ATP8B1: variants seen among roughly 807,000 people sequenced by gnomAD.
ATP8B1 encodes the protein phospholipid-transporting ATPase IC.
ATP8B1 carries 80 observed loss-of-function variants against 149.9 expected under a neutral mutation model. The ratio of observed to expected loss-of-function variants is 0.53; its 90% CI spans 0.45 to 0.64. The LOEUF is 0.64. Among genes scored for constraint, ATP8B1 ranks in the 30% least tolerant of loss-of-function variants. The pLI is 0.00. For missense variants in ATP8B1, 1,247 were observed against 1,552.6 expected (o/e 0.80, Z 3.31); for synonymous variants, 536 against 562.8 (o/e 0.95, Z 0.67).
intron 1 of ATP8B1, among the ~76,000 whole-genome samples, chr18:57,772,610 A>C (rs1301063744): frequency 6.6e-6 from 1 of 152,068 alleles, no homozygotes; most frequent in Non-Finnish European, 1.5e-5. Context: ...GAGTTCTCCC[A>C]TGCATTGAGT....
chr18:57,662,573 A>G lies in ATP8B1; in HGVS notation c.2328T>C (p.Gly776=), dbSNP rs376317098. ...GAGGTGCAAACTTTGCGTAGACGCCACCTCTATTCCTCTGGTTTTCCATCC... is the reference window on the plus strand; with the variant it reads ...GAGGTGCAAACTTTGCGTAGACGCCGCCTCTATTCCTCTGGTTTTCCATCC... ...HARMENQRNR[G]GVYAKFAPPV... Residue 776 remains glycine, a synonymous_variant, in exon 21 of 28, where the codon GGT becomes GGC. Coordinates refer to ENST00000648908, the MANE Select transcript of ATP8B1 (RefSeq NM_001374385.1). The G allele has an allele frequency of 6.2e-7, 1 of 1,614,154 alleles. No individual in the cohort carries two copies. The highest frequency in any genetic ancestry group is 1.3e-5 in the African/African-American group (1 of 75,044).
intron 1 of ATP8B1, among the ~76,000 whole-genome samples, chr18:57,797,401 T>C (rs2080524865): frequency 6.6e-6 from 1 of 152,200 alleles, no homozygotes; most frequent in South Asian, 2.1e-4. Context: ...TCAATCACGC[T>C]GTGGGGGATG....
chr18:57,792,524 C>T (rs2080473570), intron 1 of ATP8B1, among the ~76,000 whole-genome samples: 1 of 152,040 alleles, frequency 6.6e-6, no homozygotes, highest in Non-Finnish European at 1.5e-5. Context: ...ATTCCATTTA[C>T]ATAAAATGCC....
rs1328169709 is a variant in ATP8B1, at chr18:57,658,660, TGTGTGTG to T, written c.2707+2507_2707+2513del. Among the ~76,000 whole-genome samples the T allele has an allele frequency of 6.0e-5, 9 of 149,474 alleles. No individual in the cohort carries two copies. In the East Asian group the frequency reaches 6.5e-4, roughly 11 times the overall value. The stretch of plus-strand genomic sequence containing the variant: ...GTGTGTGTGTGTGTGTGTGTGTGTG[TGTGTGTG>T]TTCTTTTTTGTTGTTGGAGAAAGGG... On this transcript the variant is annotated intron_variant, in intron 22 of 27. Transcript: ENST00000648908.
At chr18:57,718,623 C>T (rs932575625) in intron 2 of ATP8B1, among the ~76,000 whole-genome samples, 19 of 152,206 alleles carry the variant, frequency 1.2e-4, no homozygotes, top group African/African-American at 4.3e-4. Flanking sequence ...AAATCCTCAA[C>T]AAAATACTAG....
chr18:57,699,775 A>T (rs1196500156), intron 6 of ATP8B1, among the ~76,000 whole-genome samples: 2 of 151,924 alleles, frequency 1.3e-5, no homozygotes, highest in South Asian at 2.1e-4. Flanking sequence ...CTGGCCTCGA[A>T]CTCCTGGCCT....
chr18:57,712,353 C>T (rs1322886212), intron 2 of ATP8B1, among the ~76,000 whole-genome samples: 1 of 152,086 alleles, frequency 6.6e-6, no homozygotes, highest in Non-Finnish European at 1.5e-5. Flanking sequence ...GACAGTGCAG[C>T]GATTGTGAGG....
chr18:57,788,779 G>T (rs1488245011), intron 1 of ATP8B1, among the ~76,000 whole-genome samples: 1 of 152,086 alleles, frequency 6.6e-6, no homozygotes, highest in African/African-American at 2.4e-5. Context: ...GTAAAGAATT[G>T]CTATTATTAG....
At chr18:57,672,886 G>GT (rs1911298940) in intron 16 of ATP8B1, among the ~76,000 whole-genome samples, 1 of 14,072 alleles carries the variant, frequency 7.1e-5, no homozygotes, top group Non-Finnish European at 1.3e-4. Context: ...AAAAAAAAAA[G>GT]TATATATATA....
chr18:57,695,203 G>T lies in ATP8B1; in HGVS notation c.908C>A (p.Thr303Asn). Residue 303 changes from threonine (T) to asparagine (N), a missense_variant, in exon 10 of 28, where the codon ACC becomes AAC. Coordinates refer to ENST00000648908, the MANE Select transcript of ATP8B1 (RefSeq NM_001374385.1). Reference sequence around the variant, plus strand: ...AATGACTAAGCCGTGGCAGAAATCGGTGTTCCTAATTACACAGCCACGTAA... The same window carrying T: ...AATGACTAAGCCGTGGCAGAAATCGTTGTTCCTAATTACACAGCCACGTAA... ...ILLRGCVIRN[T>N]DFCHGLVIFA... 1 of 1,614,138 alleles carries T rather than the reference G, an allele frequency of 6.2e-7. No individual in the cohort carries two copies. The highest frequency in any genetic ancestry group is 8.5e-7 in the Non-Finnish European group (1 of 1,180,034).
chr18:57,648,636 G>A lies in ATP8B1; in HGVS notation c.3608C>T (p.Ser1203Leu), dbSNP rs148152852. 18 of 1,599,778 alleles carry A rather than the reference G, an allele frequency of 1.1e-5. No individual in the cohort carries two copies. The highest frequency in any genetic ancestry group is 1.4e-5 in the Non-Finnish European group (17 of 1,174,440). ...RRQQVFRRGV[S>L]TRRSAYAFSH... ...GAAGGCGTAGGCCGAGCGCCGCGTT[G>A]ACACGCCCCGGCGGAACACCTGCTG... The change falls in exon 28 of 28, where the codon TCA (serine) becomes TTA (leucine). Residue 1203 changes from serine (S) to leucine (L), a missense_variant. This residue lies in a region of ATP8B1 where 164 missense variants were observed against 160.3 expected (regional missense o/e 1.02). Coordinates refer to ENST00000648908, the MANE Select transcript of ATP8B1 (RefSeq NM_001374385.1).
rs754864109 is a variant in ATP8B1, at chr18:57,651,376, G to A, written c.3400+658C>T. Reference sequence around the variant, plus strand: ...CCATATTGGCCTCCCAAAGTGCTGGGATTACAGGCGTGAGCTACCACATCT... The same window carrying A: ...CCATATTGGCCTCCCAAAGTGCTGGAATTACAGGCGTGAGCTACCACATCT... On this transcript the variant is annotated intron_variant, in intron 26 of 27. Transcript: ENST00000648908. Among the ~76,000 whole-genome samples, 123 of 152,206 alleles carry A rather than the reference G, an allele frequency of 8.1e-4. 1 individual carries two copies. The highest frequency in any genetic ancestry group is 2.4e-4 in the Non-Finnish European group (16 of 68,044).
chr18:57,715,598 A>G (rs1394981049), intron 2 of ATP8B1, among the ~76,000 whole-genome samples: 1 of 152,240 alleles, frequency 6.6e-6, no homozygotes, highest in East Asian at 1.9e-4. Flanking sequence ...GTCAAGGATA[A>G]AAGGAAGGAT....
chr18:57,650,304 C>T (rs1909516892), intron 27 of ATP8B1, 63 bp downstream of exon 27: 1 of 1,589,168 alleles, frequency 6.3e-7, no homozygotes, highest in Non-Finnish European at 8.6e-7. Context: ...AGGAAACGTG[C>T]TGTTGGGAAA....
At chr18:57,797,969 G>C (rs1568076633) in intron 1 of ATP8B1, among the ~76,000 whole-genome samples, 1 of 152,108 alleles carries the variant, frequency 6.6e-6, no homozygotes, top group Non-Finnish European at 1.5e-5. Context: ...TTCCCAAAGT[G>C]TTGGGATTAC....
intron 14 of ATP8B1, among the ~76,000 whole-genome samples, chr18:57,684,668 G>T (rs1354195972): frequency 6.6e-6 from 1 of 152,088 alleles, no homozygotes; most frequent in African/African-American, 2.4e-5. Flanking sequence ...ACTTTGTGGT[G>T]GACTAAACTA....
At chr18:57,707,572 G>A (rs1460214457) in intron 2 of ATP8B1, among the ~76,000 whole-genome samples, 1 of 145,286 alleles carries the variant, frequency 6.9e-6, no homozygotes, top group Non-Finnish European at 1.5e-5. Flanking sequence ...AAGATTGTGT[G>A]ATCTCGGCTC....
At position 57,674,818 on chromosome 18, in the gene ATP8B1, T is replaced by C; in HGVS notation, c.1819+16A>G. On this transcript the variant is annotated intron_variant, in intron 16 of 27. Coordinates refer to ENST00000648908, the MANE Select transcript of ATP8B1 (RefSeq NM_001374385.1). ...CTAAATGAGCGATTCATAGACAGAC[T>C]CTGAGGGGGACTTACCAATGATAGA... 1 of 1,613,414 alleles carries C rather than the reference T, an allele frequency of 6.2e-7. No homozygotes were observed. The highest frequency in any genetic ancestry group is 8.5e-7 in the Non-Finnish European group (1 of 1,179,550).
intron 1 of ATP8B1, among the ~76,000 whole-genome samples, chr18:57,770,544 T>A (rs966279013): frequency 2.6e-5 from 4 of 152,114 alleles, no homozygotes; most frequent in Non-Finnish European, 5.9e-5. Flanking sequence ...CGGCCCACCC[T>A]CAGAACAGGG....
Sources: gnomAD v4.1 joint callset for allele counts (sites outside exome capture counted in the v4.1 genomes callset) on GRCh38, gnomAD v4.1.1 for gene constraint, gnomAD v4.1.1 regional missense constraint, MANE v1.5 for transcripts, NCBI Gene and HGNC (gene_info 2026-07-23, HGNC 2026-07-21) for gene names.